The following CD180 variants were observed in gnomAD, a reference collection of about 807,000 sequenced individuals.
CD180 encodes CD180 antigen.
Under a neutral mutation model 10.7 loss-of-function variants are expected in CD180, and 11 were observed. The observed-to-expected ratio is 1.03, with a 90% CI of 0.65 to 1.70. The LOEUF is 1.70. Ranked by LOEUF, CD180 falls within the 40% of genes most tolerant of loss-of-function variation. The pLI is 0.00. For synonymous variants in CD180, 286 were observed against 294.6 expected (o/e 0.97, Z 0.30); for missense variants, 729 against 775.2 (o/e 0.94, Z 0.71).
At chr5:67,190,361 C>T (rs569102890) in intron 1 of CD180, among the ~76,000 whole-genome samples, 7 of 152,304 alleles carry the variant, frequency 4.6e-5, no homozygotes, top group African/African-American at 1.7e-4. Flanking sequence ...ACACTGGGCC[C>T]CAGCAGACAG....
intron 1 of CD180, among the ~76,000 whole-genome samples, chr5:67,192,641 G>A (rs1742331928): frequency 6.6e-6 from 1 of 152,032 alleles, no homozygotes; most frequent in Non-Finnish European, 1.5e-5. Context: ...CAGATCTCAG[G>A]CTCAGGAGAA....
In CD180 at chr5:67,183,021, C is replaced by T. The variant is rs1742086569; in HGVS notation, c.1822G>A (p.Ala608Thr). Reference protein sequence around the residue: ...KLEGSEETTCANPPSLRGVKL... With the variant: ...KLEGSEETTCTNPPSLRGVKL... ...ACTCCCCTTAGAGATGGCGGGTTTG[C>T]ACACGTGGTCTCCTCCGAGCCTTCA... is the stretch of plus-strand genomic sequence containing the variant. The change falls in exon 3 of 3, where the codon GCA becomes ACA. Residue 608 changes from alanine (A) to threonine (T), a missense_variant. Ala to Thr is a moderately conservative substitution (Grantham distance 58, BLOSUM62 0). Transcript: ENST00000256447. 1 of 1,614,092 alleles carries T rather than the reference C, an allele frequency of 6.2e-7. No homozygotes were observed. Among genetic ancestry groups the T allele is most frequent in the African/African-American group, 1.3e-5 (1 of 74,948 alleles).
intron 2 of CD180, among the ~76,000 whole-genome samples, chr5:67,185,516 A>G (rs1255004285): frequency 6.6e-6 from 1 of 152,170 alleles, no homozygotes; most frequent in Non-Finnish European, 1.5e-5. Context: ...TCTTAAATGT[A>G]ATTACCCAAA....
chr5:67,196,594 G>A lies in CD180; in HGVS notation c.48C>T (p.Ala16=), dbSNP rs146337741. The change falls in exon 1 of 3, where the codon GCC becomes GCT. Residue 16 remains alanine (A), a synonymous_variant. Coordinates refer to ENST00000256447, the MANE Select transcript of CD180 (RefSeq NM_005582.3). ...SCFFWVVLFS[A]GCKVITSWDQ... Reference sequence around the variant, plus strand: ...CCCAGGAGGTGATGACTTTACAGCCGGCAGAAAACAGCACCACCCAAAAGA... The same window carrying A: ...CCCAGGAGGTGATGACTTTACAGCCAGCAGAAAACAGCACCACCCAAAAGA... The A allele has an allele frequency of 2.1e-5, 34 of 1,613,708 alleles. No homozygotes were observed. Among genetic ancestry groups the A allele is most frequent in the Non-Finnish European group, 2.5e-5 (29 of 1,179,938 alleles).
chr5:67,185,826 G>T (rs750674389), intron 2 of CD180, 25 bp downstream of exon 2: 3 of 1,517,994 alleles, frequency 2.0e-6, no homozygotes, highest in Admixed American at 4.3e-5. Context: ...AAATAAAAGA[G>T]CACACAAATA....
rs1413783876 is a variant in CD180 at position 67,181,140 on chromosome 5, C to T, written c.*1717G>A. On this transcript the variant is annotated 3_prime_UTR_variant, in exon 3 of 3. Coordinates refer to ENST00000256447, the MANE Select transcript of CD180 (RefSeq NM_005582.3). The stretch of plus-strand genomic sequence containing the variant: ...TTTAGGCAAAGACCCTCTCATGGCA[C>T]TTGTATTTGGGAGAGACAAGACAAG... The T allele has an allele frequency of 1.3e-5, 2 of 152,050 alleles. No individual in the cohort carries two copies. Among genetic ancestry groups the T allele is most frequent in the African/African-American group, 4.8e-5 (2 of 41,380 alleles). 9.4% of individuals were successfully genotyped at this position (152,050 alleles called of 1,614,324 possible).
chr5:67,195,862 T>C (rs1332637410), intron 1 of CD180, among the ~76,000 whole-genome samples: 1 of 152,296 alleles, frequency 6.6e-6, no homozygotes, highest in South Asian at 2.1e-4. Context: ...CCACGTGGTA[T>C]TGATCACTTG....
rs754466896 is a variant in CD180, at chr5:67,196,614, A to C, written c.28T>G (p.Trp10Gly). The C allele has an allele frequency of 6.2e-7, 1 of 1,613,976 alleles. No homozygotes were observed. Residue 10 changes from tryptophan (W) to glycine (G), a missense_variant, in exon 1 of 3, where the codon TGG becomes GGG. Coordinates refer to ENST00000256447, the MANE Select transcript of CD180 (RefSeq NM_005582.3). MAFDVSCFF[W>G]VVLFSAGCKV... ...CAGCCGGCAGAAAACAGCACCACCC[A>C]AAAGAAGCAGCTGACGTCAAACGCC... is the stretch of plus-strand genomic sequence containing the variant.
Position 67,183,107 on chromosome 5 carries a change from A to T in CD180, c.1736T>A (p.Leu579Gln). 1 of 1,611,238 alleles carries T rather than the reference A, an allele frequency of 6.2e-7. No homozygotes were observed. Among genetic ancestry groups the T allele is most frequent in the Non-Finnish European group, 8.5e-7 (1 of 1,178,056 alleles). ...QSTINLSHNP[L>Q]DCTCSNIHFL... ...ATGAATATTCGAGCAAGTGCAGTCC[A>T]GGGGGTTATGACTTAAATTAATGGT... The change falls in exon 3 of 3, where the codon CTG becomes CAG. Residue 579 changes from leucine to glutamine, a missense_variant. Transcript: ENST00000256447.
At position 67,185,839 on chromosome 5, in the gene CD180, T is replaced by C; in HGVS notation, c.257+12A>G. On this transcript the variant is annotated intron_variant, in intron 2 of 2. Coordinates refer to ENST00000256447, the MANE Select transcript of CD180 (RefSeq NM_005582.3). The stretch of plus-strand genomic sequence containing the variant: ...TAAAATAAAAGAGCACACAAATAAC[T>C]CAGATACATACCTAGTTAAATCCAA... 1 of 1,565,384 alleles carries C rather than the reference T, an allele frequency of 6.4e-7. No homozygotes were observed. The highest frequency in any genetic ancestry group is 2.3e-5 in the East Asian group (1 of 43,956).
chr5:67,194,935 G>A (rs1466997947), intron 1 of CD180, among the ~76,000 whole-genome samples: 1 of 152,158 alleles, frequency 6.6e-6, no homozygotes, highest in Non-Finnish European at 1.5e-5. Flanking sequence ...TCATATAGGT[G>A]GGCCCTAATC....
In CD180 at chr5:67,185,894, T is replaced by C; in HGVS notation, c.214A>G (p.Thr72Ala). The C allele has an allele frequency of 6.2e-7, 1 of 1,610,332 alleles. No homozygotes were observed. Reference protein sequence around the residue: ...FNFLPTIHNRTFSRLMNLTFL... With the variant: ...FNFLPTIHNRAFSRLMNLTFL... ...GTAAGATTCATGAGTCTGCTGAAGG[T>C]TCTATTGTGAATTGTAGGCAAAAAA... Residue 72 changes from threonine to alanine, a missense_variant, in exon 2 of 3, where the codon ACC (threonine) becomes GCC (alanine). Coordinates refer to ENST00000256447, the MANE Select transcript of CD180 (RefSeq NM_005582.3).
intron 2 of CD180, among the ~76,000 whole-genome samples, chr5:67,185,061 A>ATC (rs1387993895): frequency 2.1e-5 from 3 of 140,236 alleles, no homozygotes; most frequent in African/African-American, 8.8e-5. Flanking sequence ...AAAATACTGG[A>ATC]TCACACACAC....
At chr5:67,185,402 C>T (rs1742172002) in intron 2 of CD180, among the ~76,000 whole-genome samples, 1 of 152,016 alleles carries the variant, frequency 6.6e-6, no homozygotes, top group Non-Finnish European at 1.5e-5. Context: ...AACACTGGCT[C>T]AGCATGTGGA....
chr5:67,179,768 G>A lies in CD180; in HGVS notation c.*3089C>T, dbSNP rs1742003559. ...TACTAAGCAGTGGCTGCTGGCACAG[G>A]GAAAGGTGTAATTCTCTCCTGGGTT... On this transcript the variant is annotated 3_prime_UTR_variant, in exon 3 of 3. Transcript: ENST00000256447. 6.6e-6 allele frequency: 1 copy of A among 152,218 alleles called. No homozygotes were observed. The highest frequency in any genetic ancestry group is 2.4e-5 in the African/African-American group (1 of 41,450). The allele number at this position is 152,218 out of a possible 1,614,324, so 9.4% of individuals were successfully genotyped here.
At chr5:67,190,692 G>A (rs770259717) in intron 1 of CD180, among the ~76,000 whole-genome samples, 1 of 152,168 alleles carries the variant, frequency 6.6e-6, no homozygotes, top group Non-Finnish European at 1.5e-5. Context: ...ACTGTGCACT[G>A]GGACCTGTGT....
chr5:67,184,109 G>T lies in CD180; in HGVS notation c.734C>A (p.Ser245Tyr). 6.2e-7 allele frequency: 1 copy of T among 1,614,170 alleles called. No homozygotes were observed. The highest frequency in any genetic ancestry group is 8.5e-7 in the Non-Finnish European group (1 of 1,180,024). The change falls in exon 3 of 3, where the codon TCT (serine) becomes TAT (tyrosine). Residue 245 changes from serine to tyrosine, a missense_variant. Ser to Tyr is a moderately radical substitution (Grantham distance 144, BLOSUM62 -2). Coordinates refer to ENST00000256447, the MANE Select transcript of CD180 (RefSeq NM_005582.3). ...TCCCAGCCAGAGAGACTGAGTAGTA[G>T]AGTTCTGCAGACCATTGAATATAAC... ...LSVIFNGLQN[S>Y]TTQSLWLGTF... is the part of the protein sequence containing the mutation.
Position 67,181,062 on chromosome 5 carries a change from T to C in CD180, c.*1795A>G, listed in dbSNP as rs1442368800. ...ACACACATACACACACACACACATA[T>C]GGAGAGAGAGAGAGAGAGTCCTTAC... On this transcript the variant is annotated 3_prime_UTR_variant, in exon 3 of 3. Coordinates refer to ENST00000256447, the MANE Select transcript of CD180 (RefSeq NM_005582.3). The C allele has an allele frequency of 6.7e-6, 1 of 150,252 alleles. No individual in the cohort carries two copies. The highest frequency in any genetic ancestry group is 6.6e-5 in the Admixed American group (1 of 15,088). 9.3% of individuals were successfully genotyped at this position (150,252 alleles called of 1,614,324 possible).
chr5:67,184,356 A>G lies in CD180; in HGVS notation c.487T>C (p.Ser163Pro). ...GGGAAGTCTTTGGGGAACTTAATGG[A>G]GGAAATATGGTTGCTTCCAAGATAC... ...SLYLGSNHIS[S>P]IKFPKDFPAR... is the part of the protein sequence containing the mutation. Residue 163 changes from serine (S) to proline (P), a missense_variant, in exon 3 of 3, where the codon TCC becomes CCC. Ser to Pro is a moderately conservative substitution (Grantham distance 74). Transcript: ENST00000256447. The G allele has an allele frequency of 6.2e-7, 1 of 1,614,158 alleles. No individual in the cohort carries two copies. Among genetic ancestry groups the G allele is most frequent in the Non-Finnish European group, 8.5e-7 (1 of 1,179,996 alleles).
Sources: allele counts gnomAD v4.1 joint callset (sites outside exome capture counted in the v4.1 genomes callset), GRCh38; gene constraint gnomAD v4.1.1; transcripts MANE v1.5; gene names NCBI Gene and HGNC (gene_info 2026-07-23, HGNC 2026-07-21).